Variants in KCNQ5 observed in about 807,000 individuals in gnomAD.
The protein encoded by KCNQ5 is potassium voltage-gated channel subfamily Q member 5.
In KCNQ5, 30 loss-of-function variants were observed where a neutral mutation model predicts 98.2. The ratio of observed to expected loss-of-function variants is 0.31; its 90% confidence interval spans 0.23 to 0.41. The LOEUF is 0.41. KCNQ5 is among the 10% of genes least tolerant of loss of function. The pLI, the probability that KCNQ5 is intolerant of heterozygous loss-of-function variation, is 1.00. For missense variants in KCNQ5, 835 were observed against 1,182.5 expected, an observed-to-expected ratio of 0.71 and a Z score of 4.31; for synonymous variants, 458 against 449.4, an observed-to-expected ratio of 1.02 and a Z score of -0.24.
intron 3 of KCNQ5, among the ~76,000 whole-genome samples, chr6:73,069,938 G>C (rs1401336255): frequency 6.6e-6 from 1 of 152,138 alleles, no homozygotes; most frequent in Non-Finnish European, 1.5e-5. Flanking sequence ...ATACATTGTA[G>C]GGATGACCAA....
intron 1 of KCNQ5, among the ~76,000 whole-genome samples, chr6:72,752,437 G>C (rs562129426): frequency 6.6e-6 from 1 of 152,076 alleles, no homozygotes; most frequent in Non-Finnish European, 1.5e-5. Flanking sequence ...AAACAGCCTA[G>C]GTACAGATTT....
chr6:73,009,337 T>A lies in KCNQ5; in HGVS notation c.489+5339T>A, dbSNP rs116739064. On this transcript the variant is annotated intron_variant, in intron 2 of 13. Coordinates refer to ENST00000370398, the MANE Select transcript of KCNQ5 (RefSeq NM_019842.4). ...AACCAATGGGTCAAAAAATAAGTCT[T>A]AGAAATTAATGAAAACAAAACGCAA... Among the ~76,000 whole-genome samples, 628 of 152,074 alleles carry A rather than the reference T, an allele frequency of 4.1e-3. 2 individuals carry two copies. Among genetic ancestry groups the A allele is most frequent in the African/African-American group, 0.014 (595 of 41,476 alleles).
chr6:73,044,618 A>T (rs762756185), intron 3 of KCNQ5, among the ~76,000 whole-genome samples: 2 of 152,232 alleles, frequency 1.3e-5, no homozygotes, highest in Non-Finnish European at 2.9e-5. Flanking sequence ...TCCTGAAGGC[A>T]GCAAGCTGTA....
At chr6:72,738,154 CAA>C (rs35866498) in intron 1 of KCNQ5, among the ~76,000 whole-genome samples, 4 of 148,732 alleles carry the variant, frequency 2.7e-5, no homozygotes, top group African/African-American at 7.3e-5. Context: ...GACTCCATTT[CAA>C]AAAAAAAAAT....
At chr6:72,658,940 A>C (rs950165260) in intron 1 of KCNQ5, among the ~76,000 whole-genome samples, 5 of 152,172 alleles carry the variant, frequency 3.3e-5, no homozygotes, top group Non-Finnish European at 2.9e-5. Context: ...ACAGTTGTTC[A>C]TGGCTTTAAA....
chr6:73,055,705 G>A, intron 3 of KCNQ5: 2 of 1,128,042 alleles, frequency 1.8e-6, no homozygotes, highest in East Asian at 2.4e-5. Context: ...AGGCTATCAT[G>A]GAGCTGAACC....
intron 1 of KCNQ5, among the ~76,000 whole-genome samples, chr6:72,675,566 A>G (rs890574732): frequency 3.9e-5 from 6 of 152,196 alleles, no homozygotes; most frequent in Non-Finnish European, 4.4e-5. Context: ...ACAATCTGAG[A>G]TTAACCATCA....
At chr6:73,192,033 A>G (rs1765608090) in intron 12 of KCNQ5, among the ~76,000 whole-genome samples, 1 of 152,222 alleles carries the variant, frequency 6.6e-6, no homozygotes, top group African/African-American at 2.4e-5. Context: ...AAGTTCTTTA[A>G]TAAAACTGTC....
In KCNQ5 at chr6:73,018,852, A is replaced by C. The variant is rs865977958; in HGVS notation, c.489+14854A>C. Among the ~76,000 whole-genome samples the C allele has an allele frequency of 3.3e-5, 5 of 152,198 alleles. No individual in the cohort carries two copies. The South Asian group carries it at 1.0e-3, about 32-fold the overall frequency. ...TATTTTTCTCATATAATAGCAGCTC[A>C]GCATACAACACATTGGCCTATCTGA... On this transcript the variant is annotated intron_variant, in intron 2 of 13. Coordinates refer to ENST00000370398, the MANE Select transcript of KCNQ5 (RefSeq NM_019842.4).
At chr6:73,129,975 G>C (rs560013119) in intron 9 of KCNQ5, 1 of 703,700 alleles carries the variant, frequency 1.4e-6, no homozygotes, top group Admixed American at 2.7e-5. Flanking sequence ...GGGACTTCTT[G>C]AATGAGGTTT....
At chr6:73,181,581 CAT>C (rs1778406323) in intron 11 of KCNQ5, among the ~76,000 whole-genome samples, 1 of 152,212 alleles carries the variant, frequency 6.6e-6, no homozygotes, top group South Asian at 2.1e-4. Context: ...GAAGGAGAGA[CAT>C]AGTAAAAACA....
chr6:73,187,006 T>C (rs1318909748), intron 11 of KCNQ5, among the ~76,000 whole-genome samples: 1 of 152,032 alleles, frequency 6.6e-6, no homozygotes, highest in African/African-American at 2.4e-5. Flanking sequence ...GTGTTCTCAT[T>C]GTTCAATTCC....
At chr6:72,645,579 T>C (rs1056208381) in intron 1 of KCNQ5, among the ~76,000 whole-genome samples, 1 of 152,108 alleles carries the variant, frequency 6.6e-6, no homozygotes, top group Non-Finnish European at 1.5e-5. Context: ...TCAGGTTGAA[T>C]TCCCGTTTTT....
At chr6:72,806,054 A>G (rs955129644) in intron 1 of KCNQ5, among the ~76,000 whole-genome samples, 4 of 152,070 alleles carry the variant, frequency 2.6e-5, no homozygotes, top group Non-Finnish European at 5.9e-5. Flanking sequence ...CAGAGACCTG[A>G]AGAAAGTGGA....
chr6:72,951,533 T>C (rs889674105), intron 1 of KCNQ5, among the ~76,000 whole-genome samples: 2 of 151,492 alleles, frequency 1.3e-5, no homozygotes, highest in Non-Finnish European at 2.9e-5. Context: ...ATCCACCCCC[T>C]TGGCCTCCCA....
At chr6:72,824,194 T>C (rs1197003819) in intron 1 of KCNQ5, among the ~76,000 whole-genome samples, 3 of 152,154 alleles carry the variant, frequency 2.0e-5, no homozygotes, top group Non-Finnish European at 1.5e-5. Flanking sequence ...GAATCATAAA[T>C]TAATCACAAG....
chr6:72,760,001 G>A (rs1474308211), intron 1 of KCNQ5, among the ~76,000 whole-genome samples: 1 of 151,972 alleles, frequency 6.6e-6, no homozygotes, highest in Non-Finnish European at 1.5e-5. Context: ...AAGGGTGAAG[G>A]GACAAGGAGA....
intron 1 of KCNQ5, among the ~76,000 whole-genome samples, chr6:72,754,373 C>CT (rs1561961803): frequency 6.6e-6 from 1 of 152,084 alleles, no homozygotes; most frequent in Non-Finnish European, 1.5e-5. Context: ...GATGTATCAT[C>CT]TTTTTTGTGT....
At chr6:72,819,732 GGTAT>G (rs1462695450) in intron 1 of KCNQ5, among the ~76,000 whole-genome samples, 1 of 152,124 alleles carries the variant, frequency 6.6e-6, no homozygotes, top group African/African-American at 2.4e-5. Context: ...CATGCCTCTT[GGTAT>G]GTCTCACTGG....
Sources: allele counts gnomAD v4.1 joint callset (sites outside exome capture counted in the v4.1 genomes callset), GRCh38; gene constraint gnomAD v4.1.1; transcripts MANE v1.5; gene names NCBI Gene and HGNC (gene_info 2026-07-23, HGNC 2026-07-21).